Variants in MDGA2 observed in about 807,000 individuals in gnomAD.
The protein encoded by MDGA2 is MAM domain containing glycosylphosphatidylinositol anchor 2, also known as MAM domain-containing glycosylphosphatidylinositol anchor protein 2.
A neutral mutation model predicts 117.8 loss-of-function variants in MDGA2; 40 were observed. That is an observed-to-expected ratio of 0.34 (90% CI 0.26 to 0.44). The LOEUF (loss-of-function observed/expected upper bound fraction) is 0.44, where lower values mean the gene tolerates loss of function less well. MDGA2 is among the 20% of genes least tolerant of loss of function. The pLI is 1.00. For missense variants in MDGA2, 1,123 were observed against 1,250.6 expected, an observed-to-expected ratio of 0.90 and a Z score of 1.54; for synonymous variants, 452 against 439.0, an observed-to-expected ratio of 1.03 and a Z score of -0.37.
intron 1 of MDGA2, among the ~76,000 whole-genome samples, chr14:47,419,445 C>A (rs1295089464): frequency 6.6e-6 from 1 of 151,990 alleles, no homozygotes; most frequent in East Asian, 1.9e-4. Context: ...AAATATGTGT[C>A]AAGTAATCAT....
chr14:46,873,476 T>A lies in MDGA2; in HGVS notation c.2709A>T (p.Ala903=), dbSNP rs199930975. 6.2e-7 allele frequency: 1 copy of A among 1,612,262 alleles called. No homozygotes were observed. The highest frequency in any genetic ancestry group is 1.3e-5 in the African/African-American group (1 of 74,764). The change falls in exon 14 of 17, where the codon GCA becomes GCT. Residue 903 remains alanine (A), a synonymous_variant. Transcript: ENST00000399232. The part of the protein sequence containing the change: ...PKNPYGPTNT[A]YCFSFFYHMY... The stretch of plus-strand genomic sequence containing the variant: ...TGTGATAAAAGAAGCTGAAACAATA[T>A]GCAGTGTTTGTGGGTCCATAAGGGT...
At chr14:47,529,921 CT>C (rs1307553359) in intron 1 of MDGA2, among the ~76,000 whole-genome samples, 1 of 152,176 alleles carries the variant, frequency 6.6e-6, no homozygotes, top group African/African-American at 2.4e-5. Context: ...GGGAGACCCC[CT>C]GAAACTACTG....
At chr14:46,860,473 T>C (rs1881465042) in intron 14 of MDGA2, among the ~76,000 whole-genome samples, 1 of 152,000 alleles carries the variant, frequency 6.6e-6, no homozygotes. Flanking sequence ...AGTATTTTAT[T>C]TTGGAATAAT....
At chr14:47,431,779 AC>A (rs540551688) in intron 1 of MDGA2, among the ~76,000 whole-genome samples, 56 of 152,160 alleles carry the variant, frequency 3.7e-4, no homozygotes, top group Non-Finnish European at 6.8e-4. Context: ...GTAACTAAAA[AC>A]ATTGAGATTT....
rs1555378647 is a variant in MDGA2, at chr14:47,389,596, A to ACACACACC, written c.281-88047_281-88046insGGTGTGTG. Among the ~76,000 whole-genome samples, 30 of 108,362 alleles carry ACACACACC rather than the reference A, an allele frequency of 2.8e-4. No individual in the cohort carries two copies. In the South Asian group the frequency reaches 8.5e-3, roughly 31 times the overall value. The allele number at this position is 108,362 out of a possible 152,430, so 71.1% of individuals were successfully genotyped here. On this transcript the variant is annotated intron_variant, in intron 1 of 16. Coordinates refer to ENST00000399232, the MANE Select transcript of MDGA2 (RefSeq NM_001113498.3). ...ATTACCCTTTTGCAGGAAAACACAC[A>ACACACACC]CACACACACCCACACACACACACAC...
At chr14:47,018,142 T>A (rs1354799004) in intron 8 of MDGA2, among the ~76,000 whole-genome samples, 1 of 120,446 alleles carries the variant, frequency 8.3e-6, no homozygotes, top group East Asian at 4.2e-4. Flanking sequence ...CTGGGGTAAT[T>A]GACTTTTTTT....
chr14:46,852,773 C>T (rs1881112328), intron 15 of MDGA2, among the ~76,000 whole-genome samples: 2 of 151,890 alleles, frequency 1.3e-5, no homozygotes, highest in Non-Finnish European at 2.9e-5. Flanking sequence ...CTATACCAAA[C>T]ATTACTCTAG....
intron 2 of MDGA2, among the ~76,000 whole-genome samples, chr14:47,261,158 G>A (rs1241165198): frequency 6.6e-6 from 1 of 152,002 alleles, no homozygotes; most frequent in Non-Finnish European, 1.5e-5. Flanking sequence ...AATATAAACA[G>A]TTTTATTTAT....
At chr14:47,655,151 TAC>T (rs1376061681) in intron 1 of MDGA2, among the ~76,000 whole-genome samples, 1 of 152,146 alleles carries the variant, frequency 6.6e-6, no homozygotes, top group Admixed American at 6.5e-5. Flanking sequence ...GGAATTGAAC[TAC>T]ACAAATTCAA....
intron 5 of MDGA2, among the ~76,000 whole-genome samples, chr14:47,112,494 A>G (rs1458835013): frequency 6.6e-6 from 1 of 152,100 alleles, no homozygotes; most frequent in Non-Finnish European, 1.5e-5. Flanking sequence ...AAGAACATGC[A>G]GTATTTGGTT....
intron 1 of MDGA2, among the ~76,000 whole-genome samples, chr14:47,547,341 T>C (rs1245045088): frequency 6.6e-6 from 1 of 152,236 alleles, no homozygotes; most frequent in Non-Finnish European, 1.5e-5. Flanking sequence ...ACTAGCCCCT[T>C]GGTTTTTCAT....
chr14:47,369,007 A>G (rs1891288616), intron 1 of MDGA2, among the ~76,000 whole-genome samples: 1 of 152,170 alleles, frequency 6.6e-6, no homozygotes, highest in African/African-American at 2.4e-5. Context: ...AACAATTTTG[A>G]TACTACAAAA....
chr14:47,283,705 T>A (rs999743502), intron 2 of MDGA2, among the ~76,000 whole-genome samples: 31 of 152,336 alleles, frequency 2.0e-4, no homozygotes, highest in African/African-American at 6.3e-4. Flanking sequence ...TGTTTTTGCT[T>A]TGTCTTTTAA....
intron 2 of MDGA2, 62 bp from the exon 3 acceptor site, chr14:47,218,257 G>A (rs1193583763): frequency 2.2e-6 from 3 of 1,366,438 alleles, no homozygotes; most frequent in African/African-American, 1.5e-5. Flanking sequence ...AAATCAAATA[G>A]CAATCACTCA....
chr14:47,361,207 C>CTCTCTCTATATATA (rs61280975), intron 1 of MDGA2, among the ~76,000 whole-genome samples: 2 of 140,550 alleles, frequency 1.4e-5, no homozygotes, highest in Middle Eastern at 3.7e-3. Flanking sequence ...CTCTCTCTCT[C>CTCTCTCTATATATA]TATATATATA....
intron 1 of MDGA2, among the ~76,000 whole-genome samples, chr14:47,514,599 C>T (rs186949633): frequency 6.6e-6 from 1 of 152,234 alleles, no homozygotes; most frequent in Non-Finnish European, 1.5e-5. Flanking sequence ...TCCATTATAT[C>T]TCATGCCTTG....
intron 1 of MDGA2, among the ~76,000 whole-genome samples, chr14:47,307,965 G>A (rs1594786265): frequency 1.3e-5 from 2 of 152,190 alleles, no homozygotes; most frequent in East Asian, 3.9e-4. Context: ...AAGTCAGAGA[G>A]GTAGAAGGAG....
At chr14:47,440,841 G>T (rs1324579912) in intron 1 of MDGA2, among the ~76,000 whole-genome samples, 5 of 151,974 alleles carry the variant, frequency 3.3e-5, no homozygotes, top group African/African-American at 4.8e-5. Context: ...GTATCATTAC[G>T]TAAAAAAAAT....
chr14:47,078,368 T>C (rs1289366705), intron 6 of MDGA2, among the ~76,000 whole-genome samples: 6 of 152,158 alleles, frequency 3.9e-5, no homozygotes, highest in East Asian at 1.9e-4. Flanking sequence ...TTATACTCCC[T>C]GACAAGTAAC....
Sources: gnomAD v4.1 joint callset for allele counts (sites outside exome capture counted in the v4.1 genomes callset) on GRCh38, gnomAD v4.1.1 for gene constraint, MANE v1.5 for transcripts, NCBI Gene and HGNC (gene_info 2026-07-23, HGNC 2026-07-21) for gene names.